SPAG16: variants seen among roughly 807,000 people sequenced by gnomAD.
SPAG16 encodes sperm-associated antigen 16 protein.
In SPAG16, 86 loss-of-function variants were observed where a neutral mutation model predicts 80.4. The observed-to-expected ratio is 1.07, with a 90% CI of 0.90 to 1.28. The LOEUF (loss-of-function observed/expected upper bound fraction) is 1.28. SPAG16 is among the 50% of genes most tolerant of loss of function. The pLI, the probability that SPAG16 is intolerant of heterozygous loss-of-function variation, is 0.00. For synonymous variants in SPAG16, 294 were observed against 265.9 expected (o/e 1.11, Z -1.03); for missense variants, 870 against 765.3 (o/e 1.14, Z -1.61).
rs1400355570 is a variant in SPAG16, at chr2:213,845,070, C to G, written c.1071-17415C>G. Among the ~76,000 whole-genome samples, 3 of 152,062 alleles carry G rather than the reference C, an allele frequency of 2.0e-5. No individual in the cohort carries two copies. In the East Asian group the frequency reaches 5.8e-4, roughly 29 times the overall value. On this transcript the variant is annotated intron_variant, in intron 10 of 15. Coordinates refer to ENST00000331683, the MANE Select transcript of SPAG16 (RefSeq NM_024532.5). Reference sequence around the variant, plus strand: ...GCTCCATTGTCTTGTGACTGTGATTCTAAATGCTGTCATTTCTAAAGTAAC... The same window carrying G: ...GCTCCATTGTCTTGTGACTGTGATTGTAAATGCTGTCATTTCTAAAGTAAC...
At chr2:213,635,104 C>T (rs181432778) in intron 10 of SPAG16, among the ~76,000 whole-genome samples, 2 of 150,420 alleles carry the variant, frequency 1.3e-5, no homozygotes, top group East Asian at 2.0e-4. Flanking sequence ...GATGGGATCT[C>T]GACTCACTGC....
At chr2:213,647,274 A>C (rs2062854065) in intron 10 of SPAG16, among the ~76,000 whole-genome samples, 1 of 152,224 alleles carries the variant, frequency 6.6e-6, no homozygotes, top group Non-Finnish European at 1.5e-5. Flanking sequence ...TTATGACAGT[A>C]TCATGCATAT....
chr2:214,022,851 A>C (rs1405397895), intron 13 of SPAG16, among the ~76,000 whole-genome samples: 2 of 152,026 alleles, frequency 1.3e-5, no homozygotes, highest in Non-Finnish European at 2.9e-5. Flanking sequence ...ATAGTACAGA[A>C]TTGTTACTAA....
At chr2:214,244,092 T>C (rs1689675522) in intron 15 of SPAG16, among the ~76,000 whole-genome samples, 1 of 152,102 alleles carries the variant, frequency 6.6e-6, no homozygotes, top group Admixed American at 6.6e-5. Flanking sequence ...ATAGCTTTCT[T>C]GGGAATCCAC....
At chr2:213,679,068 C>T (rs77863326) in intron 10 of SPAG16, among the ~76,000 whole-genome samples, 7,556 of 152,124 alleles carry the variant, frequency 0.05, 605 homozygotes, top group African/African-American at 0.17. Context: ...ACTTCCTTAA[C>T]GAAGGACACC....
rs1425160544 is a variant in SPAG16, at chr2:214,176,147, T to G, written c.1720+26881T>G. On this transcript the variant is annotated intron_variant, in intron 15 of 15. Transcript: ENST00000331683. ...ATACAGGTTTATTAAAGGCTTTTGT[T>G]GATGACAATGTCCTCAAATATAGCA... Among the ~76,000 whole-genome samples the G allele has an allele frequency of 7.3e-5, 11 of 151,564 alleles. 1 individual carries two copies. In the South Asian group the frequency reaches 2.1e-3, roughly 29 times the overall value.
chr2:213,989,310 C>G (rs377142342), intron 12 of SPAG16, among the ~76,000 whole-genome samples: 1 of 151,992 alleles, frequency 6.6e-6, no homozygotes, highest in African/African-American at 2.4e-5. Context: ...CTATGATCAC[C>G]CTTCATTCTA....
chr2:214,247,075 T>A (rs1024490326), intron 15 of SPAG16, among the ~76,000 whole-genome samples: 5 of 152,054 alleles, frequency 3.3e-5, no homozygotes, highest in African/African-American at 4.8e-5. Flanking sequence ...ACTTGTAAAT[T>A]GTAATTGAAA....
At chr2:213,537,193 A>G (rs1338889224) in intron 10 of SPAG16, among the ~76,000 whole-genome samples, 2 of 150,636 alleles carry the variant, frequency 1.3e-5, no homozygotes, top group African/African-American at 2.4e-5. Flanking sequence ...GGATAGCTTT[A>G]GGAGATATAC....
intron 10 of SPAG16, among the ~76,000 whole-genome samples, chr2:213,628,476 G>A (rs776890443): frequency 4.6e-5 from 7 of 152,168 alleles, no homozygotes; most frequent in East Asian, 3.8e-4. Context: ...TCAAAGCACC[G>A]TACAGTTTCA....
intron 10 of SPAG16, among the ~76,000 whole-genome samples, chr2:213,577,155 T>A (rs2060154762): frequency 6.6e-6 from 1 of 152,092 alleles, no homozygotes; most frequent in Non-Finnish European, 1.5e-5. Flanking sequence ...AGGGTACATT[T>A]TAATAGAGGA....
chr2:213,976,335 CAT>C (rs60963174), intron 12 of SPAG16, among the ~76,000 whole-genome samples: 15 of 150,268 alleles, frequency 1.0e-4, no homozygotes, highest in Admixed American at 3.3e-4. Context: ...CATGTGTGCA[CAT>C]ATATATATAT....
At chr2:213,429,754 C>A (rs1365259823) in intron 9 of SPAG16, among the ~76,000 whole-genome samples, 2 of 152,152 alleles carry the variant, frequency 1.3e-5, no homozygotes, top group South Asian at 2.1e-4. Flanking sequence ...TCCACAGATT[C>A]TTTGCCGTTG....
At chr2:214,089,709 T>C (rs1396425080) in intron 13 of SPAG16, among the ~76,000 whole-genome samples, 5 of 151,966 alleles carry the variant, frequency 3.3e-5, no homozygotes, top group South Asian at 2.1e-4. Flanking sequence ...ATTTACAATA[T>C]TGAATTTATG....
intron 9 of SPAG16, among the ~76,000 whole-genome samples, chr2:213,426,603 T>G (rs891601785): frequency 6.6e-6 from 1 of 151,984 alleles, no homozygotes; most frequent in Non-Finnish European, 1.5e-5. Flanking sequence ...GCTAACTAGT[T>G]TTTATAATGA....
intron 13 of SPAG16, among the ~76,000 whole-genome samples, chr2:214,076,003 G>A (rs566179922): frequency 3.3e-5 from 5 of 152,218 alleles, no homozygotes; most frequent in Admixed American, 3.3e-4. Context: ...TTAAGCATAT[G>A]TCTATATTTG....
At chr2:214,299,712 T>C (rs949210287) in intron 15 of SPAG16, among the ~76,000 whole-genome samples, 1 of 152,212 alleles carries the variant, frequency 6.6e-6, no homozygotes, top group Non-Finnish European at 1.5e-5. Context: ...CTCTTTTAAG[T>C]TGGCTTTGCT....
intron 10 of SPAG16, among the ~76,000 whole-genome samples, chr2:213,828,821 C>G (rs1173437656): frequency 6.6e-6 from 1 of 152,166 alleles, no homozygotes; most frequent in East Asian, 1.9e-4. Context: ...GGATAAGATT[C>G]AAAAGAATGA....
At chr2:213,523,675 A>G (rs2075775594) in intron 10 of SPAG16, among the ~76,000 whole-genome samples, 1 of 152,224 alleles carries the variant, frequency 6.6e-6, no homozygotes, top group African/African-American at 2.4e-5. Context: ...GATACAAACA[A>G]TGAAGTCCAG....
Sources: allele counts gnomAD v4.1 joint callset (sites outside exome capture counted in the v4.1 genomes callset), GRCh38; gene constraint gnomAD v4.1.1; transcripts MANE v1.5; gene names NCBI Gene and HGNC (gene_info 2026-07-23, HGNC 2026-07-21).